KIAA0825: variants seen among roughly 807,000 people sequenced by gnomAD.
KIAA0825 encodes KIAA0825, also known as uncharacterized protein KIAA0825.
KIAA0825 carries 119 observed loss-of-function variants against 147.6 expected under a neutral mutation model. The ratio of observed to expected loss-of-function variants is 0.81; its 90% CI spans 0.69 to 0.94. The LOEUF is 0.94. Ranked by LOEUF, KIAA0825 falls within the 40% of genes least tolerant of loss-of-function variation. The pLI is 0.00. For synonymous variants in KIAA0825, 470 were observed against 518.1 expected (o/e 0.91, Z 1.26); for missense variants, 1,381 against 1,472.7 (o/e 0.94, Z 1.02).
intron 1 of KIAA0825, among the ~76,000 whole-genome samples, chr5:94,590,924 A>G (rs974273824): frequency 6.6e-6 from 1 of 152,222 alleles, no homozygotes; most frequent in Non-Finnish European, 1.5e-5. Flanking sequence ...AAGGAGAGCA[A>G]TGTAGAAAAT....
At chr5:94,359,960 A>G (rs887649121) in intron 20 of KIAA0825, among the ~76,000 whole-genome samples, 1 of 152,210 alleles carries the variant, frequency 6.6e-6, no homozygotes, top group East Asian at 1.9e-4. Context: ...CTACAGAAAA[A>G]TCACTATTCT....
intron 2 of KIAA0825, among the ~76,000 whole-genome samples, chr5:94,551,855 A>G (rs529327825): frequency 6.6e-6 from 1 of 152,214 alleles, no homozygotes; most frequent in Non-Finnish European, 1.5e-5. Flanking sequence ...AAATAAATAG[A>G]GAGAAATTAA....
At chr5:94,607,205 C>T (rs1277578353) in intron 1 of KIAA0825, among the ~76,000 whole-genome samples, 1 of 151,974 alleles carries the variant, frequency 6.6e-6, no homozygotes, top group Non-Finnish European at 1.5e-5. Flanking sequence ...CTACAAACTT[C>T]TGAAGGAATC....
At chr5:94,352,432 T>C (rs908370866) in intron 20 of KIAA0825, among the ~76,000 whole-genome samples, 7 of 152,100 alleles carry the variant, frequency 4.6e-5, no homozygotes, top group Non-Finnish European at 8.8e-5. Context: ...GATGCTGGCA[T>C]GGATGCAGTG....
chr5:94,445,068 C>T, intron 13 of KIAA0825, among the ~76,000 whole-genome samples: 1 of 152,112 alleles, frequency 6.6e-6, no homozygotes, highest in East Asian at 1.9e-4. Context: ...TTGGACAATA[C>T]TGAATAACTC....
At chr5:94,355,310 C>T (rs909840305) in intron 20 of KIAA0825, among the ~76,000 whole-genome samples, 2 of 152,148 alleles carry the variant, frequency 1.3e-5, no homozygotes, top group Non-Finnish European at 2.9e-5. Flanking sequence ...AATAGAGGTT[C>T]TTTACAGATG....
intron 20 of KIAA0825, among the ~76,000 whole-genome samples, chr5:94,368,684 T>C (rs1351836083): frequency 6.6e-6 from 1 of 152,176 alleles, no homozygotes; most frequent in East Asian, 1.9e-4. Flanking sequence ...CTCGGAGGCA[T>C]GTATTCTCTA....
intron 20 of KIAA0825, among the ~76,000 whole-genome samples, chr5:94,359,047 A>T (rs1186792059): frequency 6.6e-6 from 1 of 152,208 alleles, no homozygotes; most frequent in Non-Finnish European, 1.5e-5. Flanking sequence ...GCTGATAAAA[A>T]ATTGATTATT....
intron 20 of KIAA0825, among the ~76,000 whole-genome samples, chr5:94,207,176 C>T (rs187579902): frequency 6.6e-6 from 1 of 152,140 alleles, no homozygotes; most frequent in African/African-American, 2.4e-5. Context: ...AATGCAGTAT[C>T]ATACTCTGTT....
At chr5:94,325,317 T>C (rs1044894431) in intron 20 of KIAA0825, among the ~76,000 whole-genome samples, 2 of 151,918 alleles carry the variant, frequency 1.3e-5, no homozygotes, top group African/African-American at 2.4e-5. Flanking sequence ...CCTCCTTATG[T>C]TATTATACAT....
At chr5:94,435,535 A>G (rs1189422606) in intron 14 of KIAA0825, among the ~76,000 whole-genome samples, 1 of 151,986 alleles carries the variant, frequency 6.6e-6, no homozygotes, top group East Asian at 1.9e-4. Flanking sequence ...ATGGGCATTT[A>G]GCTTGATTTC....
chr5:94,490,118 G>A (rs1221199271), intron 5 of KIAA0825, among the ~76,000 whole-genome samples: 1 of 152,032 alleles, frequency 6.6e-6, no homozygotes, highest in African/African-American at 2.4e-5. Context: ...AAGAATAGTT[G>A]AAGTTCCTTA....
intron 5 of KIAA0825, among the ~76,000 whole-genome samples, chr5:94,511,863 C>A (rs1382696239): frequency 2.6e-5 from 4 of 151,672 alleles, no homozygotes; most frequent in Non-Finnish European, 5.9e-5. Flanking sequence ...GTGGCGGGTG[C>A]CTGTAATCCC....
chr5:94,398,888 T>G (rs1480803970), intron 16 of KIAA0825, among the ~76,000 whole-genome samples: 2 of 152,168 alleles, frequency 1.3e-5, no homozygotes. Flanking sequence ...TGAAGATATA[T>G]ATAACATTTA....
chr5:94,285,417 G>A (rs1348628527), intron 20 of KIAA0825, among the ~76,000 whole-genome samples: 1 of 151,864 alleles, frequency 6.6e-6, no homozygotes, highest in East Asian at 1.9e-4. Flanking sequence ...CATTTTCATT[G>A]AAGAAATCTA....
intron 20 of KIAA0825, among the ~76,000 whole-genome samples, chr5:94,363,834 C>T (rs951464389): frequency 3.9e-5 from 6 of 151,978 alleles, no homozygotes; most frequent in Non-Finnish European, 7.4e-5. Flanking sequence ...AGCTACTACT[C>T]TCCAGCCAGG....
chr5:94,394,129 G>A (rs559007903), intron 17 of KIAA0825, among the ~76,000 whole-genome samples: 6 of 152,164 alleles, frequency 3.9e-5, no homozygotes, highest in Middle Eastern at 3.4e-3. Context: ...GGGGATTACA[G>A]GTGTGAGCCA....
At position 94,180,418 on chromosome 5, in the gene KIAA0825, A is replaced by G. The variant is rs556701034; in HGVS notation, c.3711-26294T>C. Among the ~76,000 whole-genome samples, 3 of 152,240 alleles carry G rather than the reference A, an allele frequency of 2.0e-5. 1 individual carries two copies. In the South Asian group the frequency reaches 6.2e-4, roughly 32 times the overall value. ...ATATGACAACTAAATGTAATGTGAGATTTTGGAAAACAAAAGGATGATAAT... is the reference window on the plus strand; with the variant it reads ...ATATGACAACTAAATGTAATGTGAGGTTTTGGAAAACAAAAGGATGATAAT... On this transcript the variant is annotated intron_variant, in intron 20 of 20. Coordinates refer to ENST00000682413, the MANE Select transcript of KIAA0825 (RefSeq NM_001145678.3).
At position 94,558,007 on chromosome 5, in the gene KIAA0825, A is replaced by G. The variant is rs191496296; in HGVS notation, c.-1-20880T>C. On this transcript the variant is annotated intron_variant, in intron 2 of 20. Coordinates refer to ENST00000682413, the MANE Select transcript of KIAA0825 (RefSeq NM_001145678.3). Reference sequence around the variant, plus strand: ...AGGGAGGCGCCCATTGCCGCTCCTGATCAGGCTAAAAGTTTGCCGTTGTTC... The same window carrying G: ...AGGGAGGCGCCCATTGCCGCTCCTGGTCAGGCTAAAAGTTTGCCGTTGTTC... 2.3e-3 allele frequency among the ~76,000 whole-genome samples: 343 copies of G among 152,270 alleles called. 4 individuals carry two copies. Among genetic ancestry groups the G allele is most frequent in the African/African-American group, 7.3e-3 (304 of 41,554 alleles).
Sources: gnomAD v4.1 joint callset for allele counts (sites outside exome capture counted in the v4.1 genomes callset) on GRCh38, gnomAD v4.1.1 for gene constraint, MANE v1.5 for transcripts, NCBI Gene and HGNC (gene_info 2026-07-23, HGNC 2026-07-21) for gene names.